The following MYO6 variants were observed in gnomAD, a reference collection of about 807,000 sequenced individuals.
MYO6 encodes the protein unconventional myosin-VI.
MYO6 carries 74 observed loss-of-function variants against 178.7 expected under a neutral mutation model. That is an observed-to-expected ratio of 0.41 (90% confidence interval 0.34 to 0.50). The LOEUF (loss-of-function observed/expected upper bound fraction) is 0.50, where lower values mean the gene tolerates loss of function less well. Among genes scored for constraint, MYO6 ranks in the 20% least tolerant of loss-of-function variants. The probability of loss-of-function intolerance (pLI) is 0.09; values close to 1 mark genes in which losing one functional copy is unlikely to be tolerated. For missense variants in MYO6, 1,330 were observed against 1,547.4 expected (o/e 0.86, Z 2.36); for synonymous variants, 477 against 504.6 (o/e 0.95, Z 0.73).
intron 1 of MYO6, among the ~76,000 whole-genome samples, chr6:75,757,700 C>G (rs772716090): frequency 4.6e-5 from 7 of 151,998 alleles, no homozygotes; most frequent in African/African-American, 7.3e-5. Context: ...GGTTTTGTCA[C>G]TCATTAACTT....
At chr6:75,828,636 A>C in intron 4 of MYO6, 23 bp downstream of exon 4, 1 of 1,392,616 alleles carries the variant, frequency 7.2e-7, no homozygotes, top group African/African-American at 1.4e-5. Context: ...CCTGTAGTGT[A>C]AGTTTTTGTG....
chr6:75,866,942 T>C lies in MYO6; in HGVS notation c.1781T>C (p.Val594Ala). 1 of 1,613,872 alleles carries C rather than the reference T, an allele frequency of 6.2e-7. No homozygotes were observed. Among genetic ancestry groups the C allele is most frequent in the South Asian group, 1.1e-5 (1 of 91,050 alleles). The change falls in exon 18 of 35, where the codon GTG becomes GCG. Residue 594 changes from valine (V) to alanine (A), a missense_variant. Around this residue, in one of 3 missense-constraint regions of MYO6, gnomAD observed 613 missense variants for 816.8 expected, o/e 0.75. Transcript: ENST00000369977. ...TGATTTATTTTTCAGACCCAGTTTG[T>C]GGAGAAAAATAATGATGCTTTACAT... is the stretch of plus-strand genomic sequence containing the variant. The part of the protein sequence containing the change: ...GAVCYETTQF[V>A]EKNNDALHMS...
intron 1 of MYO6, among the ~76,000 whole-genome samples, chr6:75,784,512 G>T (rs567249851): frequency 1.1e-4 from 17 of 151,536 alleles, no homozygotes; most frequent in African/African-American, 3.9e-4. Context: ...GGTGGCTCAT[G>T]CCTGTAATCC....
At chr6:75,821,556 A>G (rs927430267) in intron 2 of MYO6, among the ~76,000 whole-genome samples, 2 of 152,092 alleles carry the variant, frequency 1.3e-5, no homozygotes, top group Non-Finnish European at 1.5e-5. Context: ...ACAGTTTTCT[A>G]CATTGGGTGT....
chr6:75,857,757 A>G (rs973534546), intron 13 of MYO6, among the ~76,000 whole-genome samples: 2 of 152,238 alleles, frequency 1.3e-5, no homozygotes, highest in African/African-American at 4.8e-5. Flanking sequence ...TAAGATATCA[A>G]GGTAAGTAGT....
At chr6:75,854,222 G>A (rs1775533915) in intron 11 of MYO6, among the ~76,000 whole-genome samples, 1 of 145,048 alleles carries the variant, frequency 6.9e-6, no homozygotes, top group Admixed American at 7.0e-5. Flanking sequence ...GGCTGGATGT[G>A]CCAATGGCAG....
intron 1 of MYO6, among the ~76,000 whole-genome samples, chr6:75,796,945 C>A (rs1384065302): frequency 1.3e-5 from 2 of 152,056 alleles, no homozygotes; most frequent in Admixed American, 6.6e-5. Context: ...GCATAGTATT[C>A]CATGGTGTAT....
At chr6:75,904,543 T>C (rs533565947) in intron 30 of MYO6, among the ~76,000 whole-genome samples, 1 of 152,346 alleles carries the variant, frequency 6.6e-6, no homozygotes, top group South Asian at 2.1e-4. Context: ...TTCTGCATTC[T>C]TCACGTAGTT....
chr6:75,858,862 G>T, intron 13 of MYO6, 40 bp from the exon 14 acceptor site: 2 of 1,160,454 alleles, frequency 1.7e-6, no homozygotes, highest in South Asian at 2.6e-5. Context: ...ATATGAAGTT[G>T]ATCTCATAAT....
rs979282744 is a variant in MYO6 at position 75,895,350 on chromosome 6, C to T, written c.3137+90C>T. The T allele has an allele frequency of 4.7e-6, 5 of 1,071,276 alleles. No individual in the cohort carries two copies. The African/African-American group carries it at 6.3e-5, about 14-fold the overall frequency. 66.4% of individuals were successfully genotyped at this position (1,071,276 alleles called of 1,614,324 possible). On this transcript the variant is annotated intron_variant, in intron 29 of 34. Coordinates refer to ENST00000369977, the MANE Select transcript of MYO6 (RefSeq NM_004999.4). ...ATTGGAGTAAATTTTAAATTATTTT[C>T]TTCTATTGAAAGGTAATGAGATAAC...
intron 1 of MYO6, among the ~76,000 whole-genome samples, chr6:75,760,112 G>T (rs3798457): frequency 0.036 from 5,531 of 152,194 alleles, 198 homozygotes; most frequent in East Asian, 0.13. Flanking sequence ...TATGGTAATA[G>T]TTCATAGAAG....
At chr6:75,896,529 C>T (rs9294005) in intron 29 of MYO6, among the ~76,000 whole-genome samples, 51,425 of 152,100 alleles carry the variant, frequency 0.34, 9,601 homozygotes, top group Admixed American at 0.48. Flanking sequence ...ACAGTATTTG[C>T]GTAAGCCCTA....
At chr6:75,897,943 A>C (rs1384128393) in intron 29 of MYO6, among the ~76,000 whole-genome samples, 1 of 152,220 alleles carries the variant, frequency 6.6e-6, no homozygotes, top group East Asian at 1.9e-4. Context: ...TGACGCTGTC[A>C]AATACATCAG....
Position 75,873,188 on chromosome 6 carries a change from AG to A in MYO6, c.1984-18del. The A allele has an allele frequency of 6.3e-7, 1 of 1,596,792 alleles. No individual in the cohort carries two copies. The highest frequency in any genetic ancestry group is 2.2e-5 in the East Asian group (1 of 44,738). On this transcript the variant is annotated intron_variant, in intron 19 of 34. Transcript: ENST00000369977. ...GAATGCTATATGTATTGTAACAAAAAGTACCTTTATTTTCCTAGGGAGCAAG... is the reference window on the plus strand; with the variant it reads ...GAATGCTATATGTATTGTAACAAAAATACCTTTATTTTCCTAGGGAGCAAG...
In MYO6 at chr6:75,916,465, TTG is replaced by T. The variant is rs1335115951; in HGVS notation, c.*1457_*1458del. 2 of 152,618 alleles carry T rather than the reference TTG, an allele frequency of 1.3e-5. No homozygotes were observed. Among genetic ancestry groups the T allele is most frequent in the African/African-American group, 2.4e-5 (1 of 41,448 alleles). 9.5% of individuals were successfully genotyped at this position (152,618 alleles called of 1,614,324 possible). On this transcript the variant is annotated 3_prime_UTR_variant, in exon 35 of 35. Coordinates refer to ENST00000369977, the MANE Select transcript of MYO6 (RefSeq NM_004999.4). Reference sequence around the variant, plus strand: ...ATGATTGTCAAGTTAAATTAAATGGTTGTGTCTGTGCTATTGAGAATGCAAAT... The same window carrying T: ...ATGATTGTCAAGTTAAATTAAATGGTTGTCTGTGCTATTGAGAATGCAAAT...
chr6:75,828,629 G>A lies in MYO6; in HGVS notation c.261+16G>A. 6.9e-7 allele frequency: 1 copy of A among 1,447,538 alleles called. No individual in the cohort carries two copies. The highest frequency in any genetic ancestry group is 9.7e-7 in the Non-Finnish European group (1 of 1,028,986). 89.7% of individuals were successfully genotyped at this position (1,447,538 alleles called of 1,614,324 possible). On this transcript the variant is annotated intron_variant, in intron 4 of 34. Coordinates refer to ENST00000369977, the MANE Select transcript of MYO6 (RefSeq NM_004999.4). ...CAGAATTTATGTAAGTATTTTACCTGTAGTGTAAGTTTTTGTGGAGATAAT... is the reference window on the plus strand; with the variant it reads ...CAGAATTTATGTAAGTATTTTACCTATAGTGTAAGTTTTTGTGGAGATAAT...
Position 75,873,273 on chromosome 6 carries a change from C to T in MYO6, c.2050C>T (p.Gln684Ter). The T allele has an allele frequency of 6.2e-7, 1 of 1,613,764 alleles. No homozygotes were observed. The highest frequency in any genetic ancestry group is 8.5e-7 in the Non-Finnish European group (1 of 1,179,720). Reference protein sequence around the residue: ...KMTSHHFEGAQILSQLQCSGM... With the variant: ...KMTSHHFEGA ...GACAAGCCACCACTTTGAAGGTGCT[C>T]AAATTCTGTCTCAGCTTCAGTGTTC... Residue 684 changes from glutamine (Q) to a stop codon, truncating the protein, a stop_gained, in exon 20 of 35, where the codon CAA (glutamine) becomes TAA (stop). Coordinates refer to ENST00000369977, the MANE Select transcript of MYO6 (RefSeq NM_004999.4). LOFTEE classifies it high-confidence loss of function.
intron 20 of MYO6, among the ~76,000 whole-genome samples, chr6:75,874,957 C>T (rs1777450719): frequency 6.6e-6 from 1 of 152,196 alleles, no homozygotes; most frequent in African/African-American, 2.4e-5. Context: ...TGACTCTGGC[C>T]AACCCTTTTA....
In MYO6 at chr6:75,854,337, T is replaced by C. The variant is rs148248432; in HGVS notation, c.1079-802T>C. ...TTCTCTGCTCTGCAGTGTAAAGATA[T>C]TGAAAATGTCAAAAAGGCTTGCAGA... On this transcript the variant is annotated intron_variant, in intron 11 of 34. Coordinates refer to ENST00000369977, the MANE Select transcript of MYO6 (RefSeq NM_004999.4). Among the ~76,000 whole-genome samples the C allele has an allele frequency of 1.4e-3, 177 of 130,246 alleles. 1 individual carries two copies. Among genetic ancestry groups the C allele is most frequent in the Middle Eastern group, 4.9e-3 (1 of 204 alleles). 85.4% of individuals were successfully genotyped at this position (130,246 alleles called of 152,430 possible). A position where few individuals can be genotyped will look rare whatever the true frequency, so the allele number is the denominator to read the frequency against.
Sources: gnomAD v4.1 joint callset for allele counts (sites outside exome capture counted in the v4.1 genomes callset) on GRCh38, gnomAD v4.1.1 for gene constraint, gnomAD v4.1.1 regional missense constraint, MANE v1.5 for transcripts, NCBI Gene and HGNC (gene_info 2026-07-23, HGNC 2026-07-21) for gene names.